The following RPS6KC1 variants were observed in gnomAD, a reference collection of about 807,000 sequenced individuals.
RPS6KC1 encodes the protein inactive ribosomal protein S6 kinase delta-1.
A neutral mutation model predicts 103.8 loss-of-function variants in RPS6KC1; 54 were observed. That is an observed-to-expected ratio of 0.52 (90% confidence interval 0.42 to 0.65). The LOEUF (loss-of-function observed/expected upper bound fraction) is 0.65, where lower values mean the gene tolerates loss of function less well. RPS6KC1 is among the 30% of genes least tolerant of loss of function. The pLI, the probability that RPS6KC1 is intolerant of heterozygous loss-of-function variation, is 0.00. For missense variants in RPS6KC1, 1,151 were observed against 1,253.8 expected, an observed-to-expected ratio of 0.92 and a Z score of 1.24; for synonymous variants, 439 against 438.7, an observed-to-expected ratio of 1.00 and a Z score of -0.01.
At chr1:213,265,585 A>G (rs2094893750) in intron 14 of RPS6KC1, among the ~76,000 whole-genome samples, 1 of 152,224 alleles carries the variant, frequency 6.6e-6, no homozygotes, top group African/African-American at 2.4e-5. Context: ...TGGATTTGAT[A>G]TATGTGGGAT....
chr1:213,249,577 A>G (rs2094509225), intron 12 of RPS6KC1, among the ~76,000 whole-genome samples: 1 of 152,170 alleles, frequency 6.6e-6, no homozygotes, highest in Non-Finnish European at 1.5e-5. Context: ...CACAATTTTC[A>G]GTTAGCCTTT....
the RPS6KC1 span, among the ~76,000 whole-genome samples, chr1:213,480,975 C>A: frequency 0.05 from 7,544 of 152,146 alleles, 596 homozygotes; most frequent in African/African-American, 0.16. Flanking sequence ...TGAGACAGAT[C>A]CTTCTTTGAC....
the RPS6KC1 span, among the ~76,000 whole-genome samples, chr1:213,381,075 G>A: frequency 6.6e-6 from 1 of 152,136 alleles, no homozygotes. Flanking sequence ...ATTGGCGCTC[G>A]GAACAGTCAC....
the RPS6KC1 span, among the ~76,000 whole-genome samples, chr1:213,529,937 C>G: frequency 6.6e-6 from 1 of 152,118 alleles, no homozygotes; most frequent in Non-Finnish European, 1.5e-5. Flanking sequence ...TCTATTTTGG[C>G]ACCTTTTGTA....
At chr1:213,467,461 G>A in the RPS6KC1 span, among the ~76,000 whole-genome samples, 2 of 152,232 alleles carry the variant, frequency 1.3e-5, no homozygotes, top group Admixed American at 1.3e-4. Flanking sequence ...AGCGAACTGT[G>A]TTCTTTGAAG....
At chr1:213,069,292 A>G (rs2148447320) in intron 1 of RPS6KC1, among the ~76,000 whole-genome samples, 1 of 152,272 alleles carries the variant, frequency 6.6e-6, no homozygotes, top group African/African-American at 2.4e-5. Flanking sequence ...TATATTCTGA[A>G]AGTTGGAGAA....
chr1:213,141,061 T>C (rs562049089), intron 6 of RPS6KC1, among the ~76,000 whole-genome samples: 1 of 152,124 alleles, frequency 6.6e-6, no homozygotes, highest in East Asian at 1.9e-4. Context: ...CATGCCTGGC[T>C]AATTTTTGTA....
the RPS6KC1 span, among the ~76,000 whole-genome samples, chr1:213,736,205 A>G: frequency 1.1e-4 from 16 of 152,266 alleles, no homozygotes; most frequent in African/African-American, 3.9e-4. Flanking sequence ...TTATTATCTC[A>G]GTTTCCATGG....
the RPS6KC1 span, among the ~76,000 whole-genome samples, chr1:213,364,890 G>A: frequency 2.6e-5 from 4 of 151,936 alleles, no homozygotes; most frequent in Non-Finnish European, 5.9e-5. Context: ...CCCAGGAGGC[G>A]GAGGTTGCAG....
chr1:213,782,094 T>A, the RPS6KC1 span, among the ~76,000 whole-genome samples: 1 of 152,060 alleles, frequency 6.6e-6, no homozygotes, highest in Non-Finnish European at 1.5e-5. Context: ...TCGAGTTCAG[T>A]GGTTTAACAC....
downstream of RPS6KC1, among the ~76,000 whole-genome samples, chr1:213,278,872 A>C (rs2095117616): frequency 6.6e-6 from 1 of 152,044 alleles, no homozygotes; most frequent in Non-Finnish European, 1.5e-5. Context: ...TAGGATTTTT[A>C]AACATAAGAT....
the RPS6KC1 span, among the ~76,000 whole-genome samples, chr1:213,734,304 C>G: frequency 6.6e-6 from 1 of 152,204 alleles, no homozygotes; most frequent in South Asian, 2.1e-4. Context: ...ATAGACTTAG[C>G]TTTCGATGAT....
At chr1:213,613,002 C>T in the RPS6KC1 span, among the ~76,000 whole-genome samples, 6 of 152,192 alleles carry the variant, frequency 3.9e-5, no homozygotes, top group Admixed American at 1.3e-4. Flanking sequence ...TGACTCTCAT[C>T]GCTTTTATGT....
chr1:213,708,550 C>T, the RPS6KC1 span, among the ~76,000 whole-genome samples: 1 of 152,120 alleles, frequency 6.6e-6, no homozygotes, highest in Non-Finnish European at 1.5e-5. Flanking sequence ...ATTTCTTTCT[C>T]TTGCCTGATT....
the RPS6KC1 span, among the ~76,000 whole-genome samples, chr1:213,408,874 A>G: frequency 1.3e-5 from 2 of 152,196 alleles, no homozygotes; most frequent in South Asian, 2.1e-4. Context: ...GCAAAGGAGG[A>G]AAAACATGGC....
the RPS6KC1 span, among the ~76,000 whole-genome samples, chr1:213,787,454 T>A: frequency 6.6e-6 from 1 of 151,872 alleles, no homozygotes; most frequent in Admixed American, 6.6e-5. Flanking sequence ...GAGAGAGGAG[T>A]ATTCAAGAAA....
chr1:213,404,363 CCAA>C, the RPS6KC1 span, among the ~76,000 whole-genome samples: 1 of 152,164 alleles, frequency 6.6e-6, no homozygotes, highest in Admixed American at 6.5e-5. Context: ...GCGGGGAGCT[CCAA>C]CAGTGTGGAT....
chr1:213,561,222 T>G, the RPS6KC1 span, among the ~76,000 whole-genome samples: 2 of 152,240 alleles, frequency 1.3e-5, no homozygotes, highest in Admixed American at 6.5e-5. Flanking sequence ...TTTGAAGACT[T>G]TCTTTTCCCT....
chr1:213,214,597 C>T (rs983941622), intron 8 of RPS6KC1, among the ~76,000 whole-genome samples: 1 of 152,182 alleles, frequency 6.6e-6, no homozygotes. Flanking sequence ...GTCCCTGACC[C>T]CCGAGTAGCC....
Sources: gnomAD v4.1 joint callset for allele counts (sites outside exome capture counted in the v4.1 genomes callset) on GRCh38, gnomAD v4.1.1 for gene constraint, MANE v1.5 for transcripts, NCBI Gene and HGNC (gene_info 2026-07-23, HGNC 2026-07-21) for gene names.